GXYLT2: variants seen among roughly 807,000 people sequenced by gnomAD.
The protein encoded by GXYLT2 is glycosyltransferase 8 domain containing 4.
A neutral mutation model predicts 45.8 loss-of-function variants in GXYLT2; 53 were observed. That is an observed-to-expected ratio of 1.16 (90% CI 0.93 to 1.46). The LOEUF (loss-of-function observed/expected upper bound fraction) is 1.46. GXYLT2 is among the 40% of genes most tolerant of loss of function. The pLI, the probability that GXYLT2 is intolerant of heterozygous loss-of-function variation, is 0.00. For missense variants in GXYLT2, 551 were observed against 544.4 expected (o/e 1.01, Z -0.12); for synonymous variants, 219 against 214.2 (o/e 1.02, Z -0.19).
intron 2 of GXYLT2, among the ~76,000 whole-genome samples, chr3:72,913,101 A>G (rs1176973599): frequency 1.3e-5 from 2 of 148,504 alleles, no homozygotes; most frequent in African/African-American, 2.5e-5. Context: ...GCAGTGGCGC[A>G]ATCTCGGCTC....
intron 3 of GXYLT2, chr3:72,929,288 C>T (rs1258739458): frequency 7.8e-7 from 1 of 1,288,152 alleles, no homozygotes. Context: ...CCGAATCTTC[C>T]TTCAGGATAT....
At chr3:72,949,502 C>CTTTTT (rs56323434) in intron 3 of GXYLT2, among the ~76,000 whole-genome samples, 109 of 72,638 alleles carry the variant, frequency 1.5e-3, no homozygotes, top group African/African-American at 3.6e-3. Flanking sequence ...CTTTCTTTTT[C>CTTTTT]TTTTTTTTTT....
chr3:72,955,925 A>G (rs146121914), intron 4 of GXYLT2, among the ~76,000 whole-genome samples: 8 of 152,248 alleles, frequency 5.3e-5, no homozygotes, highest in Non-Finnish European at 7.4e-5. Flanking sequence ...TAAAAACACA[A>G]AAATTAGCCA....
intron 1 of GXYLT2, among the ~76,000 whole-genome samples, chr3:72,905,586 A>G (rs1321275885): frequency 6.6e-6 from 1 of 152,192 alleles, no homozygotes; most frequent in African/African-American, 2.4e-5. Flanking sequence ...AGCTGCTGTG[A>G]ACATTCTTGC....
rs190101951 is a variant in GXYLT2, at chr3:72,906,323, G to A, written c.276-2044G>A. ...GCGTGGCATGCTCCTCCCCCTAGAC[G>A]TGCACATGGCTCGCTACCTCCCCTC... On this transcript the variant is annotated intron_variant, in intron 1 of 6. Transcript: ENST00000389617. Among the ~76,000 whole-genome samples the A allele has an allele frequency of 1.5e-3, 234 of 152,020 alleles. 3 individuals carry two copies. The Middle Eastern group carries it at 0.027, about 18-fold the overall frequency.
In GXYLT2 at chr3:72,957,357, G is replaced by A. The variant is rs1710668613; in HGVS notation, c.976+5G>A. The A allele has an allele frequency of 6.3e-7, 1 of 1,595,352 alleles. No individual in the cohort carries two copies. The highest frequency in any genetic ancestry group is 8.5e-7 in the Non-Finnish European group (1 of 1,170,782). ...TTATTTTTTATTTCAACCCAGGTAG[G>A]TTATCTTTGGAGAATGCCTTTTGTG... On this transcript the variant is annotated splice_donor_5th_base_variant and intron_variant, in intron 5 of 6. Transcript: ENST00000389617.
At chr3:72,930,027 G>A (rs1291676823) in intron 3 of GXYLT2, among the ~76,000 whole-genome samples, 7 of 151,882 alleles carry the variant, frequency 4.6e-5, no homozygotes, top group African/African-American at 9.7e-5. Flanking sequence ...TTAGCTGGGC[G>A]TGGTGGCGTG....
rs897741867 is a variant in GXYLT2 at position 72,888,330 on chromosome 3, C to G, written c.97C>G (p.Pro33Ala). The G allele has an allele frequency of 2.3e-5, 23 of 984,226 alleles. No individual in the cohort carries two copies. Among genetic ancestry groups the G allele is most frequent in the Non-Finnish European group, 2.4e-6 (2 of 830,930 alleles). 61.0% of individuals were successfully genotyped at this position (984,226 alleles called of 1,614,324 possible). The change falls in exon 1 of 7, where the codon CCA becomes GCA. Residue 33 changes from proline to alanine, a missense_variant. Coordinates refer to ENST00000389617, the MANE Select transcript of GXYLT2 (RefSeq NM_001080393.2). ...LSLRAGRAEP[P>A]ALPARPASAP... Reference sequence around the variant, plus strand: ...CCTGCGCGCTGGCCGCGCTGAGCCCCCAGCGCTGCCCGCGCGCCCCGCGTC... The same window carrying G: ...CCTGCGCGCTGGCCGCGCTGAGCCCGCAGCGCTGCCCGCGCGCCCCGCGTC...
At chr3:72,925,156 C>CTTTTTTTTTTTTTTTTTTTT (rs368190344) in intron 3 of GXYLT2, among the ~76,000 whole-genome samples, 1 of 148,566 alleles carries the variant, frequency 6.7e-6, no homozygotes, top group African/African-American at 2.6e-5. Context: ...TTTTCTTTTT[C>CTTTTTTTTTTTTTTTTTTTT]TTTCTTTTTT....
chr3:72,908,830 C>T (rs1349831640), intron 2 of GXYLT2, among the ~76,000 whole-genome samples: 1 of 152,076 alleles, frequency 6.6e-6, no homozygotes, highest in Non-Finnish European at 1.5e-5. Context: ...CTCAACCTTC[C>T]AGGCTCAAGT....
intron 6 of GXYLT2, among the ~76,000 whole-genome samples, chr3:72,973,179 C>T (rs1412703571): frequency 6.6e-6 from 1 of 152,112 alleles, no homozygotes; most frequent in Non-Finnish European, 1.5e-5. Context: ...GGTCCAAAGT[C>T]CTGGGCTGGA....
In GXYLT2 at chr3:72,942,354, T is replaced by C. The variant is rs567682404; in HGVS notation, c.601-12744T>C. ...TATAGAAAATTCCAGTTAATACATG[T>C]AGAAAGAAGGAGGCAAATAGAAAAT... On this transcript the variant is annotated intron_variant, in intron 3 of 6. Transcript: ENST00000389617. Among the ~76,000 whole-genome samples, 6 of 152,224 alleles carry C rather than the reference T, an allele frequency of 3.9e-5. No homozygotes were observed. The South Asian group carries it at 1.2e-3, about 32-fold the overall frequency.
At chr3:72,899,336 A>C (rs528337843) in intron 1 of GXYLT2, among the ~76,000 whole-genome samples, 14 of 152,272 alleles carry the variant, frequency 9.2e-5, no homozygotes, top group Non-Finnish European at 1.9e-4. Context: ...AACTAAATGC[A>C]TTTATCAAAT....
At chr3:72,956,109 G>T (rs1710639061) in intron 4 of GXYLT2, among the ~76,000 whole-genome samples, 1 of 152,098 alleles carries the variant, frequency 6.6e-6, no homozygotes, top group South Asian at 2.1e-4. Flanking sequence ...GAATTAATGG[G>T]GCATGGTGTC....
At chr3:72,972,733 G>A (rs1187282225) in intron 6 of GXYLT2, among the ~76,000 whole-genome samples, 2 of 145,434 alleles carry the variant, frequency 1.4e-5, no homozygotes, top group African/African-American at 5.1e-5. Context: ...CAGCCTGGGC[G>A]ACATAGTGAG....
chr3:72,902,266 T>C (rs538400446), intron 1 of GXYLT2, among the ~76,000 whole-genome samples: 2 of 152,336 alleles, frequency 1.3e-5, no homozygotes, highest in East Asian at 3.9e-4. Context: ...ACCAAACTGT[T>C]TTCCAAAGTG....
At chr3:72,919,347 G>A (rs1216842934) in intron 2 of GXYLT2, among the ~76,000 whole-genome samples, 1 of 152,156 alleles carries the variant, frequency 6.6e-6, no homozygotes, top group Non-Finnish European at 1.5e-5. Context: ...AAGACATGTA[G>A]GAGACCTAAA....
intron 2 of GXYLT2, among the ~76,000 whole-genome samples, chr3:72,916,894 G>C (rs1334165632): frequency 6.6e-6 from 1 of 151,746 alleles, no homozygotes; most frequent in Non-Finnish European, 1.5e-5. Context: ...TGAAAGCAAT[G>C]TAATGGATTT....
intron 6 of GXYLT2, among the ~76,000 whole-genome samples, chr3:72,973,943 A>G (rs1711043875): frequency 6.6e-6 from 1 of 152,218 alleles, no homozygotes. Context: ...AGAAACTGGC[A>G]TCTCTGATAA....
Sources: allele counts gnomAD v4.1 joint callset (sites outside exome capture counted in the v4.1 genomes callset), GRCh38; gene constraint gnomAD v4.1.1; transcripts MANE v1.5; gene names NCBI Gene and HGNC (gene_info 2026-07-23, HGNC 2026-07-21).